The following LRP1B variants were observed in gnomAD, a reference collection of about 807,000 sequenced individuals.
LRP1B encodes low-density lipoprotein receptor-related protein 1B.
A neutral mutation model predicts 556.6 loss-of-function variants in LRP1B; 217 were observed. The observed-to-expected ratio is 0.39, with a 90% CI of 0.35 to 0.44. The LOEUF is 0.44. LRP1B is among the 20% of genes least tolerant of loss of function. The probability of loss-of-function intolerance (pLI) is 1.00; values close to 1 mark genes in which losing one functional copy is unlikely to be tolerated. For synonymous variants in LRP1B, 2,047 were observed against 1,865.8 expected, an observed-to-expected ratio of 1.10 and a Z score of -2.50; for missense variants, 5,053 against 5,620.8, an observed-to-expected ratio of 0.90 and a Z score of 3.23.
At position 141,203,366 on chromosome 2, in the gene LRP1B, GAA is replaced by G. The variant is rs568207665; in HGVS notation, c.851-14785_851-14784del. On this transcript the variant is annotated intron_variant, in intron 6 of 90. Transcript: ENST00000389484. Reference sequence around the variant, plus strand: ...GAATATTTACCAAGTGAATGGAAAGGAAAAAAAAAAAGAGTTGCAATCCTAAT... The same window carrying G: ...GAATATTTACCAAGTGAATGGAAAGGAAAAAAAAAGAGTTGCAATCCTAAT... Among the ~76,000 whole-genome samples the G allele has an allele frequency of 1.3e-3, 185 of 139,122 alleles. 1 individual carries two copies. The highest frequency in any genetic ancestry group is 4.6e-3 in the African/African-American group (176 of 38,080). The allele number at this position is 139,122 out of a possible 152,430, so 91.3% of individuals were successfully genotyped here.
intron 2 of LRP1B, among the ~76,000 whole-genome samples, chr2:141,768,972 T>C (rs566374378): frequency 3.9e-5 from 6 of 152,164 alleles, no homozygotes; most frequent in African/African-American, 1.4e-4. Flanking sequence ...TTTAATTCTC[T>C]CCCAAATCCT....
At position 141,725,303 on chromosome 2, in the gene LRP1B, G is replaced by C. The variant is rs542455325; in HGVS notation, c.205+84976C>G. Among the ~76,000 whole-genome samples the C allele has an allele frequency of 2.0e-5, 3 of 151,792 alleles. No individual in the cohort carries two copies. In the East Asian group the frequency reaches 5.8e-4, roughly 29 times the overall value. On this transcript the variant is annotated intron_variant, in intron 2 of 90. Coordinates refer to ENST00000389484, the MANE Select transcript of LRP1B (RefSeq NM_018557.3). Reference sequence around the variant, plus strand: ...AAATAAACCTTTCAAAAATAAACTCGACTTCTTCAAATTTGAGGAGAAATC... The same window carrying C: ...AAATAAACCTTTCAAAAATAAACTCCACTTCTTCAAATTTGAGGAGAAATC...
chr2:140,361,481 A>G (rs1012220128), intron 72 of LRP1B, among the ~76,000 whole-genome samples: 1 of 150,084 alleles, frequency 6.7e-6, no homozygotes, highest in Non-Finnish European at 1.5e-5. Context: ...ACTCATTTCT[A>G]TATTTTAAGA....
At chr2:140,945,137 C>T (rs1695505520) in intron 20 of LRP1B, among the ~76,000 whole-genome samples, 1 of 152,032 alleles carries the variant, frequency 6.6e-6, no homozygotes, top group African/African-American at 2.4e-5. Flanking sequence ...ATCAAGAATA[C>T]AATCCTATTT....
chr2:140,262,602 G>A lies in LRP1B; in HGVS notation c.13247+7640C>T, dbSNP rs1681995042. Among the ~76,000 whole-genome samples the A allele has an allele frequency of 3.3e-5, 5 of 152,086 alleles. No individual in the cohort carries two copies. The South Asian group carries it at 1.0e-3, about 31-fold the overall frequency. On this transcript the variant is annotated intron_variant, in intron 86 of 90. Transcript: ENST00000389484. ...CTCACCTTTGATAGTGAAGATACTG[G>A]ACAATAAATGGGTCCCTCTAGTGTT... is the stretch of plus-strand genomic sequence containing the variant.
chr2:142,122,615 A>G (rs1461665612), intron 1 of LRP1B, among the ~76,000 whole-genome samples: 1 of 152,062 alleles, frequency 6.6e-6, no homozygotes, highest in Non-Finnish European at 1.5e-5. Context: ...CTGAGTTAGT[A>G]ATTCCATCTA....
chr2:140,949,180 T>C (rs1378551879), intron 20 of LRP1B, among the ~76,000 whole-genome samples: 7 of 152,234 alleles, frequency 4.6e-5, no homozygotes, highest in Admixed American at 3.9e-4. Context: ...GCAGATGCCA[T>C]ATGTTTTCAT....
chr2:140,433,823 TG>T (rs889792958), intron 66 of LRP1B, among the ~76,000 whole-genome samples: 65 of 147,850 alleles, frequency 4.4e-4, no homozygotes, highest in African/African-American at 1.4e-3. Context: ...ATATTTCTTC[TG>T]TTTTTTTTTT....
chr2:141,691,425 GAAGAA>G (rs1691523873), intron 2 of LRP1B, among the ~76,000 whole-genome samples: 1 of 97,906 alleles, frequency 1.0e-5, no homozygotes, highest in East Asian at 4.8e-4. Context: ...TTCTGAGTAA[GAAGAA>G]AAGGAAAAAA....
chr2:141,412,697 G>GTT (rs1387087606), intron 3 of LRP1B, among the ~76,000 whole-genome samples: 2 of 151,940 alleles, frequency 1.3e-5, no homozygotes, highest in African/African-American at 4.8e-5. Context: ...CCTTACTGGA[G>GTT]TTTTCCTAAA....
chr2:141,197,892 A>G (rs1681822392), intron 6 of LRP1B, among the ~76,000 whole-genome samples: 1 of 152,144 alleles, frequency 6.6e-6, no homozygotes, highest in Non-Finnish European at 1.5e-5. Flanking sequence ...GACATCACAG[A>G]AAATCAGAAA....
intron 3 of LRP1B, among the ~76,000 whole-genome samples, chr2:141,418,869 A>T (rs1279520129): frequency 1.3e-5 from 2 of 152,104 alleles, no homozygotes; most frequent in African/African-American, 4.8e-5. Context: ...ATCCATGAAC[A>T]TAGGAGGTCT....
intron 1 of LRP1B, among the ~76,000 whole-genome samples, chr2:142,062,793 T>C (rs1399137672): frequency 6.6e-6 from 1 of 151,772 alleles, no homozygotes; most frequent in African/African-American, 2.4e-5. Context: ...CAAAAACAAA[T>C]ATGGTTTAGA....
At chr2:141,346,918 G>GT (rs1688273828) in intron 3 of LRP1B, among the ~76,000 whole-genome samples, 1 of 151,700 alleles carries the variant, frequency 6.6e-6, no homozygotes, top group Middle Eastern at 3.2e-3. Flanking sequence ...CATTCTTGTG[G>GT]TTTTACTTCT....
chr2:140,457,821 G>A (rs905080853), intron 60 of LRP1B, among the ~76,000 whole-genome samples, 170 bp from the exon 61 acceptor site: 2 of 152,078 alleles, frequency 1.3e-5, no homozygotes, highest in African/African-American at 4.8e-5. Context: ...GAGAATGCAG[G>A]ATTGGGCACA....
At chr2:141,787,343 C>A (rs976790759) in intron 2 of LRP1B, among the ~76,000 whole-genome samples, 2 of 151,900 alleles carry the variant, frequency 1.3e-5, no homozygotes, top group African/African-American at 4.8e-5. Flanking sequence ...AACCCAAATG[C>A]TTTTCAACCA....
chr2:141,848,846 T>C (rs1697746710), intron 1 of LRP1B, among the ~76,000 whole-genome samples: 2 of 151,434 alleles, frequency 1.3e-5, no homozygotes, highest in Admixed American at 6.6e-5. Context: ...CATAAGCAGT[T>C]AATGAAATTA....
At chr2:141,898,788 C>A (rs1306908261) in intron 1 of LRP1B, among the ~76,000 whole-genome samples, 2 of 152,068 alleles carry the variant, frequency 1.3e-5, no homozygotes, top group Admixed American at 6.6e-5. Flanking sequence ...CAAGTCATCA[C>A]TATAAAGCCC....
At chr2:141,001,039 A>T (rs955641028) in intron 15 of LRP1B, among the ~76,000 whole-genome samples, 4 of 152,050 alleles carry the variant, frequency 2.6e-5, no homozygotes, top group African/African-American at 9.7e-5. Flanking sequence ...CACATAACCG[A>T]AATTAAAAAA....
Sources: gnomAD v4.1 joint callset for allele counts (sites outside exome capture counted in the v4.1 genomes callset) on GRCh38, gnomAD v4.1.1 for gene constraint, MANE v1.5 for transcripts, NCBI Gene and HGNC (gene_info 2026-07-23, HGNC 2026-07-21) for gene names.